Variants in PIP5K1C observed in about 807,000 individuals in gnomAD.
The protein encoded by PIP5K1C is phosphatidylinositol 4-phosphate 5-kinase type-1 gamma.
Under a neutral mutation model 80.1 loss-of-function variants are expected in PIP5K1C, and 45 were observed. The ratio of observed to expected loss-of-function variants is 0.56; its 90% CI spans 0.44 to 0.72. The LOEUF is 0.72. PIP5K1C is among the 30% of genes least tolerant of loss of function. The pLI is 0.00. For synonymous variants in PIP5K1C, 498 were observed against 420.1 expected (o/e 1.19, Z -2.27); for missense variants, 753 against 954.6 (o/e 0.79, Z 2.78).
chr19:3,662,844 G>A (rs899508476), intron 3 of PIP5K1C, among the ~76,000 whole-genome samples: 3 of 151,288 alleles, frequency 2.0e-5, no homozygotes, highest in African/African-American at 2.4e-5. Context: ...GCGATTGCAC[G>A]TGTGAGCCAG....
chr19:3,643,998 C>T (rs2034097582), intron 12 of PIP5K1C, 89 bp downstream of exon 12: 19 of 1,454,524 alleles, frequency 1.3e-5, no homozygotes, highest in Non-Finnish European at 1.8e-5. Flanking sequence ...GAGCGATGGG[C>T]ACTCAGGATG....
intron 1 of PIP5K1C, among the ~76,000 whole-genome samples, chr19:3,699,009 TC>T (rs1345090344): frequency 6.7e-6 from 1 of 148,400 alleles, no homozygotes; most frequent in African/African-American, 2.5e-5. Context: ...ACTTTATCTG[TC>T]CCCGGTGCTC....
chr19:3,643,055 C>CAT (rs2034039375), intron 13 of PIP5K1C, 116 bp from the exon 14 acceptor site: 2 of 1,469,148 alleles, frequency 1.4e-6, no homozygotes, highest in Admixed American at 1.7e-5. Flanking sequence ...CCCACCTGTA[C>CAT]ATATGCTCCT....
chr19:3,655,364 GC>G (rs1173632409), intron 6 of PIP5K1C, among the ~76,000 whole-genome samples: 1 of 152,146 alleles, frequency 6.6e-6, no homozygotes, highest in Non-Finnish European at 1.5e-5. Flanking sequence ...GCTGCAGTGA[GC>G]CAAGATGGCA....
chr19:3,653,695 GC>G lies in PIP5K1C; in HGVS notation c.622-107del, dbSNP rs1282357496. On this transcript the variant is annotated intron_variant, in intron 6 of 17. Transcript: ENST00000335312. ...GGGGGCTCATGGATGCCCCTGGCCA[GC>G]CCCCCTCTCTCCCCAGAAGCCCTCG... 1.6e-5 allele frequency: 17 copies of G among 1,076,262 alleles called. No homozygotes were observed. The East Asian group carries it at 2.0e-4, about 13-fold the overall frequency. 66.7% of individuals were successfully genotyped at this position (1,076,262 alleles called of 1,614,324 possible). A position where few individuals can be genotyped will look rare whatever the true frequency, so the allele number is the denominator to read the frequency against.
In PIP5K1C at chr19:3,636,510, C is replaced by T. The variant is rs1342473263; in HGVS notation, c.1920+2374G>A. The stretch of plus-strand genomic sequence containing the variant: ...CCGTAGGCGGCCTCTGCGAACTGCT[C>T]CCTGCCTATGGTGGGGTGGCCAGCA... On this transcript the variant is annotated intron_variant, in intron 16 of 17. Coordinates refer to ENST00000335312, the MANE Select transcript of PIP5K1C (RefSeq NM_012398.3). 3 of 985,450 alleles carry T rather than the reference C, an allele frequency of 3.0e-6. No individual in the cohort carries two copies. In the Admixed American group the frequency reaches 1.8e-4, roughly 61 times the overall value. The allele number at this position is 985,450 out of a possible 1,614,324, so 61.0% of individuals were successfully genotyped here. A position where few individuals can be genotyped will look rare whatever the true frequency, so the allele number is the denominator to read the frequency against.
chr19:3,656,660 C>T, intron 5 of PIP5K1C, 103 bp from the exon 6 acceptor site: 1 of 1,287,558 alleles, frequency 7.8e-7, no homozygotes, highest in South Asian at 1.2e-5. Flanking sequence ...TGACGGGTCG[C>T]TGCATTTTAC....
At chr19:3,652,947 A>G (rs921929835) in intron 7 of PIP5K1C, among the ~76,000 whole-genome samples, 19 of 152,132 alleles carry the variant, frequency 1.2e-4, no homozygotes, top group African/African-American at 4.6e-4. Flanking sequence ...CCCGACCCCC[A>G]AGGGCTGGGT....
chr19:3,660,007 C>T (rs1408266696), intron 5 of PIP5K1C, among the ~76,000 whole-genome samples: 1 of 152,194 alleles, frequency 6.6e-6, no homozygotes, highest in African/African-American at 2.4e-5. Context: ...GATGACCAGG[C>T]AGGCTTGGGA....
intron 3 of PIP5K1C, among the ~76,000 whole-genome samples, 196 bp downstream of exon 3, chr19:3,664,626 C>T (rs2034948212): frequency 6.6e-6 from 1 of 152,224 alleles, no homozygotes; most frequent in African/African-American, 2.4e-5. Context: ...GCCCGGCCGC[C>T]CGGCAAGGAC....
Position 3,637,186 on chromosome 19 carries a change from C to T in PIP5K1C, c.1920+1698G>A. ...GTCTGCACGAGTGAGAAGCGTCCAC[C>T]CAAGACACCCTGACACGAGAGGGCT... is the stretch of plus-strand genomic sequence containing the variant. On this transcript the variant is annotated intron_variant, in intron 16 of 17. Coordinates refer to ENST00000335312, the MANE Select transcript of PIP5K1C (RefSeq NM_012398.3). The surrounding 1 kb of genome is among the most constrained non-coding windows in gnomAD (Gnocchi z 7.0). 1 of 1,429,590 alleles carries T rather than the reference C, an allele frequency of 7.0e-7. No individual in the cohort carries two copies. The allele number at this position is 1,429,590 out of a possible 1,614,324, so 88.6% of individuals were successfully genotyped here. A position where few individuals can be genotyped will look rare whatever the true frequency, so the allele number is the denominator to read the frequency against.
intron 1 of PIP5K1C, among the ~76,000 whole-genome samples, chr19:3,685,527 G>A (rs918006857): frequency 2.0e-4 from 30 of 151,970 alleles, no homozygotes; most frequent in African/African-American, 5.3e-4. Context: ...TCAGGAGATC[G>A]AGACCATCCT....
chr19:3,660,394 G>A (rs2034794859), intron 5 of PIP5K1C, among the ~76,000 whole-genome samples: 1 of 151,846 alleles, frequency 6.6e-6, no homozygotes, highest in Admixed American at 6.6e-5. Context: ...AAAAAAAAAG[G>A]GGGTGCTGGC....
rs1393946567 is a variant in PIP5K1C at position 3,644,223 on chromosome 19, C to T, written c.1374G>A (p.Gly458=). 1 of 1,612,360 alleles carries T rather than the reference C, an allele frequency of 6.2e-7. No homozygotes were observed. Among genetic ancestry groups the T allele is most frequent in the African/African-American group, 1.3e-5 (1 of 74,920 alleles). The part of the protein sequence containing the change: ...SSLKSSPSKK[G]RGGALLAVKP... ...TCACAGCTAGCAAGGCTCCGCCGCG[C>T]CCCTTCTTGGAGGGCGAGGACTTCA... Residue 458 remains glycine, a synonymous_variant, in exon 12 of 18, where the codon GGG becomes GGA. Transcript: ENST00000335312.
chr19:3,693,530 C>A (rs955338316), intron 1 of PIP5K1C, among the ~76,000 whole-genome samples: 1 of 152,168 alleles, frequency 6.6e-6, no homozygotes, highest in Non-Finnish European at 1.5e-5. Flanking sequence ...GGGTCTTGAC[C>A]GGCCTGGTCC....
chr19:3,644,162 G>T lies in PIP5K1C; in HGVS notation c.1435C>A (p.Gln479Lys). The T allele has an allele frequency of 1.2e-6, 2 of 1,612,260 alleles. No homozygotes were observed. The highest frequency in any genetic ancestry group is 1.7e-4 in the Middle Eastern group (1 of 6,034). The change falls in exon 12 of 18, where the codon CAG becomes AAG. Residue 479 changes from glutamine (Q) to lysine (K), a missense_variant. Gln to Lys is a moderately conservative substitution (Grantham distance 53, BLOSUM62 1). Coordinates refer to ENST00000335312, the MANE Select transcript of PIP5K1C (RefSeq NM_012398.3). ...GCCTCCTCCCGCTCGCTAGGGATCTGGCTGGCCGAGAAGGCAGCGGTGGGC... is the reference window on the plus strand; with the variant it reads ...GCCTCCTCCCGCTCGCTAGGGATCTTGCTGGCCGAGAAGGCAGCGGTGGGC... ...LGPTAAFSAS[Q>K]IPSEREEAQY...
At chr19:3,653,262 C>T (rs753996536) in intron 7 of PIP5K1C, 28 bp downstream of exon 7, 8 of 1,597,146 alleles carry the variant, frequency 5.0e-6, no homozygotes, top group Non-Finnish European at 6.8e-6. Context: ...CTGCCACCCT[C>T]CCTCCCCGGC....
intron 1 of PIP5K1C, among the ~76,000 whole-genome samples, chr19:3,686,094 C>T (rs1158816558): frequency 1.3e-5 from 2 of 152,104 alleles, no homozygotes; most frequent in Non-Finnish European, 2.9e-5. Flanking sequence ...CTCAACTGAT[C>T]CTCCTACCCT....
chr19:3,684,693 C>T (rs1356412446), intron 1 of PIP5K1C, among the ~76,000 whole-genome samples: 1 of 152,238 alleles, frequency 6.6e-6, no homozygotes, highest in African/African-American at 2.4e-5. Flanking sequence ...TGGTTTGTTG[C>T]ATAATCCACG....
Sources: allele counts gnomAD v4.1 joint callset (sites outside exome capture counted in the v4.1 genomes callset), GRCh38; gene constraint gnomAD v4.1.1; non-coding constraint Gnocchi (gnomAD v3.1); transcripts MANE v1.5; gene names NCBI Gene and HGNC (gene_info 2026-07-23, HGNC 2026-07-21).